FGF14: variants seen among roughly 807,000 people sequenced by gnomAD.
FGF14 encodes fibroblast growth factor homologous factor 4.
Under a neutral mutation model 25.5 loss-of-function variants are expected in FGF14, and 5 were observed. That is an observed-to-expected ratio of 0.20 (90% CI 0.10 to 0.41). The LOEUF is 0.41. FGF14 is among the 10% of genes least tolerant of loss of function. The pLI is 1.00. For missense variants in FGF14, 222 were observed against 320.1 expected, an observed-to-expected ratio of 0.69 and a Z score of 2.34; for synonymous variants, 138 against 118.3, an observed-to-expected ratio of 1.17 and a Z score of -1.08.
intron 1 of FGF14, among the ~76,000 whole-genome samples, chr13:102,374,143 A>C (rs2057965568): frequency 6.6e-6 from 1 of 152,176 alleles, no homozygotes; most frequent in African/African-American, 2.4e-5. Context: ...GTCTTTGGAT[A>C]TACAAATTAG....
chr13:101,798,168 A>G (rs2040663636), intron 3 of FGF14, among the ~76,000 whole-genome samples: 3 of 152,114 alleles, frequency 2.0e-5, no homozygotes, highest in African/African-American at 7.2e-5. Context: ...ATGTTTTTCT[A>G]TCAAAAGAAA....
chr13:102,046,517 C>A (rs145314257), intron 1 of FGF14, among the ~76,000 whole-genome samples: 5 of 152,214 alleles, frequency 3.3e-5, no homozygotes, highest in Non-Finnish European at 7.4e-5. Flanking sequence ...TATAGCTACC[C>A]AGGGTTAAAT....
chr13:101,970,677 C>T (rs779215374), intron 1 of FGF14, among the ~76,000 whole-genome samples: 2 of 152,188 alleles, frequency 1.3e-5, no homozygotes, highest in African/African-American at 2.4e-5. Flanking sequence ...TTGCTCTAAA[C>T]GCCTTCCTTG....
chr13:101,771,443 TA>T (rs2038764173), intron 3 of FGF14, among the ~76,000 whole-genome samples: 1 of 152,132 alleles, frequency 6.6e-6, no homozygotes, highest in Non-Finnish European at 1.5e-5. Context: ...ATTAAAGCAT[TA>T]GTAGATTATT....
intron 1 of FGF14, among the ~76,000 whole-genome samples, chr13:102,040,196 C>A (rs1161397714): frequency 6.6e-6 from 1 of 152,166 alleles, no homozygotes; most frequent in Non-Finnish European, 1.5e-5. Flanking sequence ...TGCTCCTCTG[C>A]TCCCTAGTGG....
chr13:101,986,578 G>C (rs1410538004), intron 1 of FGF14, among the ~76,000 whole-genome samples: 1 of 152,110 alleles, frequency 6.6e-6, no homozygotes, highest in African/African-American at 2.4e-5. Flanking sequence ...AGGTCTTGCT[G>C]TTATTGTTTT....
At chr13:102,099,565 A>AT (rs535949392) in intron 1 of FGF14, among the ~76,000 whole-genome samples, 48 of 148,944 alleles carry the variant, frequency 3.2e-4, no homozygotes, top group Middle Eastern at 3.4e-3. Context: ...TGCTGGCCCC[A>AT]TTTTTTTTTT....
chr13:101,783,762 C>T (rs976814858), intron 3 of FGF14, among the ~76,000 whole-genome samples: 1 of 152,042 alleles, frequency 6.6e-6, no homozygotes, highest in Admixed American at 6.6e-5. Flanking sequence ...GTTGACATTG[C>T]CCTAAATGGT....
intron 1 of FGF14, among the ~76,000 whole-genome samples, chr13:101,955,097 T>C (rs1447597491): frequency 2.0e-5 from 3 of 152,234 alleles, no homozygotes; most frequent in African/African-American, 7.2e-5. Flanking sequence ...AACTCTTGAA[T>C]AGTGTGGATG....
At chr13:102,060,450 C>T (rs765371077) in intron 1 of FGF14, among the ~76,000 whole-genome samples, 7 of 152,064 alleles carry the variant, frequency 4.6e-5, no homozygotes, top group Non-Finnish European at 7.4e-5. Context: ...GGCATGAACC[C>T]GGGGGGCAGA....
At chr13:102,303,403 G>A (rs763856396) in intron 1 of FGF14, among the ~76,000 whole-genome samples, 1 of 151,770 alleles carries the variant, frequency 6.6e-6, no homozygotes, top group Non-Finnish European at 1.5e-5. Context: ...ATGAGGATGG[G>A]GATTTGATCA....
chr13:102,222,696 C>T (rs1486196385), intron 1 of FGF14, among the ~76,000 whole-genome samples: 1 of 152,208 alleles, frequency 6.6e-6, no homozygotes, highest in Non-Finnish European at 1.5e-5. Context: ...GCAATCCTGT[C>T]TCACTCAGGA....
intron 1 of FGF14, among the ~76,000 whole-genome samples, chr13:101,977,580 CTTTT>C (rs571404443): frequency 1.6e-3 from 245 of 152,228 alleles, no homozygotes; most frequent in African/African-American, 5.6e-3. Flanking sequence ...TGCTTTCTTT[CTTTT>C]TATGTTTTTA....
Position 102,257,342 on chromosome 13 carries a change from C to CTTTTTTT in FGF14, c.208+144122_208+144128dup, listed in dbSNP as rs71125058. ...CATGCATGTCCATTTCCTTTCTTTT[C>CTTTTTTT]TTTTTTTTTTTTTTTTTTTTTTTTT... On this transcript the variant is annotated intron_variant, in intron 1 of 4. Coordinates refer to the FGF14 transcript ENST00000376131. 3.5e-3 allele frequency among the ~76,000 whole-genome samples: 115 copies of CTTTTTTT among 32,576 alleles called. 42 individuals are homozygous for CTTTTTTT. Among genetic ancestry groups the CTTTTTTT allele is most frequent in the African/African-American group, 4.3e-3 (34 of 7,818 alleles). 21.4% of individuals were successfully genotyped at this position (32,576 alleles called of 152,430 possible).
chr13:101,714,703 G>T lies in FGF14; in HGVS notation c.*8128C>A. ...AGGCGAAGTGGGCATTTGGGAAAAA[G>T]CCCTCACAAAAGCCTCACATTATTC... On this transcript the variant is annotated 3_prime_UTR_variant, in exon 5 of 5. Transcript: ENST00000376143. 1.6e-6 allele frequency: 1 copy of T among 609,992 alleles called. No individual in the cohort carries two copies. The allele number at this position is 609,992 out of a possible 1,614,324, so 37.8% of individuals were successfully genotyped here. A position where few individuals can be genotyped will look rare whatever the true frequency, so the allele number is the denominator to read the frequency against.
chr13:102,117,742 G>A (rs1184613615), intron 1 of FGF14, among the ~76,000 whole-genome samples: 2 of 152,132 alleles, frequency 1.3e-5, no homozygotes, highest in Non-Finnish European at 2.9e-5. Flanking sequence ...AAAATACTGT[G>A]TAGAATGATA....
intron 1 of FGF14, among the ~76,000 whole-genome samples, chr13:102,370,335 T>G (rs919544233): frequency 5.9e-5 from 9 of 152,148 alleles, no homozygotes; most frequent in African/African-American, 2.2e-4. Context: ...AAAAGAACTA[T>G]ACATTATTAT....
chr13:102,214,193 G>A (rs556625638), intron 1 of FGF14, among the ~76,000 whole-genome samples: 1 of 152,168 alleles, frequency 6.6e-6, no homozygotes, highest in Non-Finnish European at 1.5e-5. Flanking sequence ...TTGGTCCATC[G>A]CTGTTGCTCA....
intron 3 of FGF14, among the ~76,000 whole-genome samples, chr13:101,853,224 C>T (rs1343571058): frequency 2.0e-5 from 3 of 151,922 alleles, no homozygotes; most frequent in African/African-American, 7.2e-5. Flanking sequence ...ATTCTATTTC[C>T]AAGACAACCT....
Sources: allele counts gnomAD v4.1 joint callset (sites outside exome capture counted in the v4.1 genomes callset), GRCh38; gene constraint gnomAD v4.1.1; transcripts MANE v1.5; gene names NCBI Gene and HGNC (gene_info 2026-07-23, HGNC 2026-07-21).